The following SERPINE2 variants were observed in gnomAD, a reference collection of about 807,000 sequenced individuals.
SERPINE2 encodes serpin family E member 2.
SERPINE2 carries 14 observed loss-of-function variants against 36.3 expected under a neutral mutation model. That is an observed-to-expected ratio of 0.39 (90% confidence interval 0.25 to 0.60). The LOEUF is 0.60. Ranked by LOEUF, SERPINE2 falls within the 20% of genes least tolerant of loss-of-function variation. The pLI, the probability that SERPINE2 is intolerant of heterozygous loss-of-function variation, is 0.57. For missense variants in SERPINE2, 418 were observed against 499.6 expected, an observed-to-expected ratio of 0.84 and a Z score of 1.56; for synonymous variants, 192 against 191.8, an observed-to-expected ratio of 1.00 and a Z score of -0.01.
chr2:224,031,640 G>T (rs1257981435), intron 1 of SERPINE2, among the ~76,000 whole-genome samples: 1 of 151,960 alleles, frequency 6.6e-6, no homozygotes, highest in Admixed American at 6.6e-5. Flanking sequence ...ATGTGACCAT[G>T]TGACTTAGCA....
At chr2:224,024,961 A>G (rs1692135178) in intron 1 of SERPINE2, among the ~76,000 whole-genome samples, 1 of 152,230 alleles carries the variant, frequency 6.6e-6, no homozygotes, top group African/African-American at 2.4e-5. Flanking sequence ...AGTTACTCAC[A>G]GCCAATTATG....
rs760425336 is a variant in SERPINE2, at chr2:223,980,311, T to C, written c.1072A>G (p.Thr358Ala). The C allele has an allele frequency of 2.5e-6, 4 of 1,613,914 alleles. No homozygotes were observed. In the South Asian group the frequency reaches 4.4e-5, roughly 18 times the overall value. The change falls in exon 7 of 9, where the codon ACT (threonine) becomes GCT (alanine). Residue 358 changes from threonine (T) to alanine (A), a missense_variant and splice_region_variant. By Grantham distance (58) the Thr-to-Ala change is moderately conservative (BLOSUM62 0). Transcript: ENST00000409304. The stretch of plus-strand genomic sequence containing the variant: ...CCCTGCCACGTGACCCAGTGCTTAC[T>C]TGTTGCTGCTGAAGCTTTGGTTCCA... ...EDGTKASAATTAILIARSSPP... is the reference protein window; with the variant it reads ...EDGTKASAATAAILIARSSPP...
intron 1 of SERPINE2, among the ~76,000 whole-genome samples, chr2:224,028,013 T>C (rs1435965002): frequency 2.6e-5 from 4 of 152,056 alleles, no homozygotes; most frequent in African/African-American, 7.2e-5. Context: ...GACGACACAA[T>C]AGAGAAAAAG....
intron 1 of SERPINE2, among the ~76,000 whole-genome samples, chr2:224,014,614 T>G (rs564030937): frequency 1.1e-4 from 16 of 152,144 alleles, no homozygotes; most frequent in Non-Finnish European, 1.6e-4. Flanking sequence ...ACTACTGACA[T>G]AACTCTTCAG....
intron 4 of SERPINE2, among the ~76,000 whole-genome samples, chr2:223,986,165 G>C (rs1690421691): frequency 1.3e-5 from 2 of 152,158 alleles, no homozygotes; most frequent in Admixed American, 1.3e-4. Context: ...GAGTGTACTT[G>C]ATGAACACTG....
chr2:224,001,722 G>A lies in SERPINE2; in HGVS notation c.179C>T (p.Ser60Leu), dbSNP rs1198008432. 5 of 1,614,004 alleles carry A rather than the reference G, an allele frequency of 3.1e-6. No individual in the cohort carries two copies. Among genetic ancestry groups the A allele is most frequent in the South Asian group, 1.1e-5 (1 of 91,080 alleles). Residue 60 changes from serine (S) to leucine (L), a missense_variant, in exon 2 of 9, where the codon TCG (serine) becomes TTG (leucine). By Grantham distance (145) the Ser-to-Leu change is moderately radical. Transcript: ENST00000409304. ...NIVISPHGIA[S>L]VLGMLQLGAD... ...CCCCAGCTGAAGCATCCCCAGGACC[G>A]ACGCAATCCCATGGGGAGAGATCAC...
intron 4 of SERPINE2, 35 bp downstream of exon 4, chr2:223,991,768 C>A (rs757237140): frequency 6.2e-7 from 1 of 1,607,694 alleles, no homozygotes; most frequent in Non-Finnish European, 8.5e-7. Context: ...GCCGCCAGCA[C>A]ATCCTAGAAC....
intron 1 of SERPINE2, among the ~76,000 whole-genome samples, chr2:224,032,583 T>G (rs1414269246): frequency 6.6e-6 from 1 of 152,188 alleles, no homozygotes; most frequent in Non-Finnish European, 1.5e-5. Flanking sequence ...TTGATGGGAT[T>G]TTTTCTTTTA....
At chr2:223,976,296 AC>A (rs1690005506) in intron 8 of SERPINE2, among the ~76,000 whole-genome samples, 1 of 152,138 alleles carries the variant, frequency 6.6e-6, no homozygotes, top group Non-Finnish European at 1.5e-5. Context: ...GATTACAGGC[AC>A]CCACCACCAC....
chr2:223,986,179 TA>T (rs1690422182), intron 4 of SERPINE2, among the ~76,000 whole-genome samples: 1 of 152,148 alleles, frequency 6.6e-6, no homozygotes, highest in Admixed American at 6.5e-5. Context: ...AACACTGAAA[TA>T]TCATAAAAAT....
chr2:224,031,817 C>T (rs1440671959), intron 1 of SERPINE2, among the ~76,000 whole-genome samples: 2 of 127,634 alleles, frequency 1.6e-5, no homozygotes, highest in Non-Finnish European at 3.1e-5. Flanking sequence ...ACTGAGGAGG[C>T]TGTAGGGAGG....
rs897799063 is a variant in SERPINE2, at chr2:223,975,048, G to A, written c.*819C>T. 2 of 152,192 alleles carry A rather than the reference G, an allele frequency of 1.3e-5. No homozygotes were observed. Among genetic ancestry groups the A allele is most frequent in the Non-Finnish European group, 2.9e-5 (2 of 68,044 alleles). 9.4% of individuals were successfully genotyped at this position (152,192 alleles called of 1,614,324 possible). A position where few individuals can be genotyped will look rare whatever the true frequency, so the allele number is the denominator to read the frequency against. Reference sequence around the variant, plus strand: ...AGAATAGGAAAAGTCTCCGAGCTTTGAATTTCCTGATGTTTACATAGTACA... The same window carrying A: ...AGAATAGGAAAAGTCTCCGAGCTTTAAATTTCCTGATGTTTACATAGTACA... On this transcript the variant is annotated 3_prime_UTR_variant, in exon 9 of 9. Coordinates refer to ENST00000409304, the MANE Select transcript of SERPINE2 (RefSeq NM_001136528.2).
At chr2:223,976,569 A>T (rs922719740) in intron 8 of SERPINE2, among the ~76,000 whole-genome samples, 2 of 152,274 alleles carry the variant, frequency 1.3e-5, no homozygotes, top group Non-Finnish European at 2.9e-5. Flanking sequence ...GAGATAAGAG[A>T]ATAAGGAACT....
At chr2:224,012,698 A>G (rs903744719) in intron 1 of SERPINE2, among the ~76,000 whole-genome samples, 6 of 152,306 alleles carry the variant, frequency 3.9e-5, no homozygotes, top group African/African-American at 1.4e-4. Context: ...GGGAATATGA[A>G]TATTTATTAT....
Position 224,001,670 on chromosome 2 carries a change from G to A in SERPINE2, c.231C>T (p.Leu77=), listed in dbSNP as rs12138. ...LGADGRTKKQ[L]AMVMRYGVNG... Reference sequence around the variant, plus strand: ...TTACGCCGTATCTCATCACCATGGCGAGCTGCTTCTTGGTCCTGCCGTCCG... The same window carrying A: ...TTACGCCGTATCTCATCACCATGGCAAGCTGCTTCTTGGTCCTGCCGTCCG... Residue 77 remains leucine, a synonymous_variant, in exon 2 of 9, where the codon CTC becomes CTT. Coordinates refer to ENST00000409304, the MANE Select transcript of SERPINE2 (RefSeq NM_001136528.2). 192,549 of 1,613,844 alleles carry A rather than the reference G, an allele frequency of 0.12. 13,259 individuals carry two copies. The highest frequency in any genetic ancestry group is 0.22 in the East Asian group (9,906 of 44,858).
At chr2:224,031,585 C>T (rs1287902475) in intron 1 of SERPINE2, 2 of 754,396 alleles carry the variant, frequency 2.7e-6, no homozygotes, top group Middle Eastern at 6.6e-4. Context: ...CAGCCAATCA[C>T]AGGACCTCAC....
intron 1 of SERPINE2, among the ~76,000 whole-genome samples, chr2:224,029,236 A>G (rs1227515884): frequency 6.6e-6 from 1 of 152,254 alleles, no homozygotes; most frequent in East Asian, 1.9e-4. Flanking sequence ...ACACCTTTAG[A>G]AAGAAAGCTC....
intron 2 of SERPINE2, among the ~76,000 whole-genome samples, chr2:223,999,140 A>G (rs1184136177): frequency 6.6e-6 from 1 of 152,194 alleles, no homozygotes; most frequent in Admixed American, 6.5e-5. Context: ...CATTAGAAAG[A>G]CTATAAAAAA....
At position 224,029,368 on chromosome 2, in the gene SERPINE2, C is replaced by T. The variant is rs556994626; in HGVS notation, c.-23+9731G>A. 2.8e-4 allele frequency among the ~76,000 whole-genome samples: 27 copies of T among 97,656 alleles called. No individual in the cohort carries two copies. In the South Asian group the frequency reaches 0.01, roughly 38 times the overall value. The allele number at this position is 97,656 out of a possible 152,430, so 64.1% of individuals were successfully genotyped here. ...GTATGAAGTCCAAAGTGGATAACTG[C>T]CAGTAAAATCCTTAAAAAAATCCTA... On this transcript the variant is annotated intron_variant, in intron 1 of 8. Transcript: ENST00000409304.
Sources: allele counts gnomAD v4.1 joint callset (sites outside exome capture counted in the v4.1 genomes callset), GRCh38; gene constraint gnomAD v4.1.1; transcripts MANE v1.5; gene names NCBI Gene and HGNC (gene_info 2026-07-23, HGNC 2026-07-21).